Variants in DCP2 observed in about 807,000 individuals in gnomAD.
DCP2 encodes m7GpppN-mRNA hydrolase.
A neutral mutation model predicts 56.1 loss-of-function variants in DCP2; 30 were observed. The ratio of observed to expected loss-of-function variants is 0.53; its 90% CI spans 0.40 to 0.73. The LOEUF (loss-of-function observed/expected upper bound fraction) is 0.73. DCP2 is among the 30% of genes least tolerant of loss of function. DCP2 has a pLI of 0.00. For missense variants in DCP2, 533 were observed against 502.7 expected, an observed-to-expected ratio of 1.06 and a Z score of -0.58; for synonymous variants, 197 against 163.3, an observed-to-expected ratio of 1.21 and a Z score of -1.57.
intron 4 of DCP2, 26 bp from the exon 5 acceptor site, chr5:113,001,058 A>C: frequency 6.4e-7 from 1 of 1,565,030 alleles, no homozygotes; most frequent in South Asian, 1.2e-5. Context: ...TAAAATGAAA[A>C]TTTCATCCAA....
chr5:113,014,673 A>C lies in DCP2; in HGVS notation c.*1189A>C, dbSNP rs1749810860. ...ATTTCAGCTATAACTGAGGACAATCACCAGGGCGTTAAGGGGGCTTTAGTG... is the reference window on the plus strand; with the variant it reads ...ATTTCAGCTATAACTGAGGACAATCCCCAGGGCGTTAAGGGGGCTTTAGTG... On this transcript the variant is annotated 3_prime_UTR_variant, in exon 11 of 11. Transcript: ENST00000389063. The C allele has an allele frequency of 6.6e-6, 1 of 152,660 alleles. No individual in the cohort carries two copies. The highest frequency in any genetic ancestry group is 1.5e-5 in the Non-Finnish European group (1 of 68,042). 9.5% of individuals were successfully genotyped at this position (152,660 alleles called of 1,614,324 possible).
rs1162389364 is a variant in DCP2, at chr5:113,001,362, T to A, written c.591T>A (p.Ile197=). 2.5e-6 allele frequency: 4 copies of A among 1,610,612 alleles called. No homozygotes were observed. Among genetic ancestry groups the A allele is most frequent in the Non-Finnish European group, 3.4e-6 (4 of 1,179,086 alleles). Residue 197 remains isoleucine (I), a synonymous_variant, in exon 6 of 11, where the codon ATT becomes ATA. Coordinates refer to ENST00000389063, the MANE Select transcript of DCP2 (RefSeq NM_152624.6). ...TATTTTCTTCTGTGTTTCAGAACATTGAGTGGTTCTCTATTGAGAAATTGC... is the reference window on the plus strand; with the variant it reads ...TATTTTCTTCTGTGTTTCAGAACATAGAGTGGTTCTCTATTGAGAAATTGC... ...NPKTRREIRN[I]EWFSIEKLPC... is the part of the protein sequence containing the mutation.
At chr5:113,005,151 GGTGTGTGTGT>G (rs56389236) in intron 8 of DCP2, among the ~76,000 whole-genome samples, 15 of 149,420 alleles carry the variant, frequency 1.0e-4, no homozygotes, top group Non-Finnish European at 1.9e-4. Context: ...TGTGCGTGTG[GGTGTGTGTGT>G]GTGTGTGTAA....
Position 113,013,625 on chromosome 5 carries a change from AG to A in DCP2, c.*142del. 1 of 1,008,000 alleles carries A rather than the reference AG, an allele frequency of 9.9e-7. No individual in the cohort carries two copies. Among genetic ancestry groups the A allele is most frequent in the Non-Finnish European group, 1.4e-6 (1 of 691,978 alleles). 62.4% of individuals were successfully genotyped at this position (1,008,000 alleles called of 1,614,324 possible). ...TCTGAAGACATTTTCTGTTTATAAG[AG>A]AGTAGAAAGAAACACGAGTTTGCAC... On this transcript the variant is annotated 3_prime_UTR_variant, in exon 11 of 11. Coordinates refer to ENST00000389063, the MANE Select transcript of DCP2 (RefSeq NM_152624.6).
At position 113,010,861 on chromosome 5, in the gene DCP2, T is replaced by TAG. The variant is rs1192265420; in HGVS notation, c.1099+54_1099+55insAG. On this transcript the variant is annotated intron_variant, in intron 10 of 10. Transcript: ENST00000389063. ...TCTGCCTTGTGGGATTTGGTTTGGT[T>TAG]TACCTAACTTTGATTTTAGTGGGAG... is the stretch of plus-strand genomic sequence containing the variant. 3.9e-6 allele frequency: 6 copies of TAG among 1,550,976 alleles called. No homozygotes were observed. In the East Asian group the frequency reaches 1.4e-4, roughly 35 times the overall value.
chr5:113,003,809 A>T lies in DCP2; in HGVS notation c.807-133A>T, dbSNP rs529565570. On this transcript the variant is annotated intron_variant, in intron 7 of 10. Transcript: ENST00000389063. Reference sequence around the variant, plus strand: ...TGCAGATTAAAATCTCTGCTCTCATAGAACTTACATTCCAGTGGGGAAGAT... The same window carrying T: ...TGCAGATTAAAATCTCTGCTCTCATTGAACTTACATTCCAGTGGGGAAGAT... The T allele has an allele frequency of 1.9e-3, 1,935 of 1,018,124 alleles. 3 individuals carry two copies. Among genetic ancestry groups the T allele is most frequent in the Non-Finnish European group, 2.4e-3 (1,618 of 684,042 alleles). 63.1% of individuals were successfully genotyped at this position (1,018,124 alleles called of 1,614,324 possible).
Position 113,001,634 on chromosome 5 carries a change from A to G in DCP2, c.766A>G (p.Thr256Ala), listed in dbSNP as rs1254434912. 4 of 1,614,192 alleles carry G rather than the reference A, an allele frequency of 2.5e-6. No homozygotes were observed. Among genetic ancestry groups the G allele is most frequent in the Non-Finnish European group, 3.4e-6 (4 of 1,180,022 alleles). ...AGACAGTGACAATGGATTTTCCTCAACTGGTAGCACGCCGGCTAAACCCAC... is the reference window on the plus strand; with the variant it reads ...AGACAGTGACAATGGATTTTCCTCAGCTGGTAGCACGCCGGCTAAACCCAC... Reference protein sequence around the residue: ...SSDSDNGFSSTGSTPAKPTVE... With the variant: ...SSDSDNGFSSAGSTPAKPTVE... The change falls in exon 7 of 11, where the codon ACT becomes GCT. Residue 256 changes from threonine (T) to alanine (A), a missense_variant. Thr to Ala is a moderately conservative substitution (Grantham distance 58). Around this residue, in one of 3 missense-constraint regions of DCP2, gnomAD observed 392 missense variants for 346.6 expected, o/e 1.13. Transcript: ENST00000389063.
At position 113,008,098 on chromosome 5, in the gene DCP2, A is replaced by G. The variant is rs113372085; in HGVS notation, c.1047+56A>G. On this transcript the variant is annotated intron_variant, in intron 9 of 10. Coordinates refer to ENST00000389063, the MANE Select transcript of DCP2 (RefSeq NM_152624.6). Reference sequence around the variant, plus strand: ...CAGTTCATCCTCTGAAGAGTGAAACAAGGGCATTGCCAAAGCACAGGAATG... The same window carrying G: ...CAGTTCATCCTCTGAAGAGTGAAACGAGGGCATTGCCAAAGCACAGGAATG... 4.1e-3 allele frequency: 5,685 copies of G among 1,400,124 alleles called. 42 individuals are homozygous for G. Among genetic ancestry groups the G allele is most frequent in the Middle Eastern group, 0.034 (188 of 5,494 alleles). The allele number at this position is 1,400,124 out of a possible 1,614,324, so 86.7% of individuals were successfully genotyped here.
intron 1 of DCP2, among the ~76,000 whole-genome samples, chr5:112,982,080 T>A (rs1414215011): frequency 1.3e-5 from 2 of 152,220 alleles, no homozygotes; most frequent in African/African-American, 4.8e-5. Flanking sequence ...TTCTGGCTAT[T>A]CTTGAAATCC....
chr5:112,993,233 C>T (rs946956388), intron 4 of DCP2, among the ~76,000 whole-genome samples: 1 of 152,072 alleles, frequency 6.6e-6, no homozygotes, highest in Admixed American at 6.6e-5. Flanking sequence ...AAACTCTGTC[C>T]CCTCTCCCCC....
chr5:112,988,253 G>A (rs1035619582), intron 2 of DCP2, among the ~76,000 whole-genome samples: 4 of 151,584 alleles, frequency 2.6e-5, no homozygotes, highest in African/African-American at 7.3e-5. Context: ...GAGGCCAAGG[G>A]GGGCGGATCA....
intron 4 of DCP2, 23 bp from the exon 5 acceptor site, chr5:113,001,061 T>C: frequency 6.4e-7 from 1 of 1,565,670 alleles, no homozygotes; most frequent in Non-Finnish European, 8.6e-7. Flanking sequence ...AATGAAAATT[T>C]CATCCAAATT....
rs976465821 is a variant in DCP2 at position 113,016,922 on chromosome 5, A to G, written c.*3438A>G. 23 of 149,948 alleles carry G rather than the reference A, an allele frequency of 1.5e-4. No individual in the cohort carries two copies. The highest frequency in any genetic ancestry group is 5.4e-4 in the African/African-American group (22 of 40,574). 9.3% of individuals were successfully genotyped at this position (149,948 alleles called of 1,614,324 possible). A position where few individuals can be genotyped will look rare whatever the true frequency, so the allele number is the denominator to read the frequency against. On this transcript the variant is annotated 3_prime_UTR_variant, in exon 11 of 11. Transcript: ENST00000389063. Reference sequence around the variant, plus strand: ...AATGGTGCAATTTCGGCTCACCGCAACCTACGCCTCCCGGGTTCAAGTGAT... The same window carrying G: ...AATGGTGCAATTTCGGCTCACCGCAGCCTACGCCTCCCGGGTTCAAGTGAT...
intron 2 of DCP2, among the ~76,000 whole-genome samples, chr5:112,990,935 G>A (rs539678004): frequency 2.6e-5 from 4 of 151,790 alleles, no homozygotes; most frequent in South Asian, 4.1e-4. Context: ...ATATAATGCC[G>A]ACTTCTTTGA....
At chr5:112,981,255 C>T (rs1747991373) in intron 1 of DCP2, among the ~76,000 whole-genome samples, 1 of 152,100 alleles carries the variant, frequency 6.6e-6, no homozygotes, top group Non-Finnish European at 1.5e-5. Context: ...AGCAATCCTC[C>T]TGCCTCAACC....
chr5:112,985,312 T>A (rs1053194038), intron 1 of DCP2, among the ~76,000 whole-genome samples: 1 of 152,136 alleles, frequency 6.6e-6, no homozygotes, highest in African/African-American at 2.4e-5. Context: ...GAAAAGACAA[T>A]TTAGGGTTTT....
chr5:113,005,151 G>GGTGT lies in DCP2; in HGVS notation c.942+1089_942+1092dup, dbSNP rs56389236. Among the ~76,000 whole-genome samples the GGTGT allele has an allele frequency of 7.7e-3, 1,147 of 149,454 alleles. 7 individuals are homozygous for GGTGT. Among genetic ancestry groups the GGTGT allele is most frequent in the South Asian group, 8.0e-3 (38 of 4,740 alleles). ...TCTCAAAAAAAAAAGTGTGCGTGTG[G>GGTGT]GTGTGTGTGTGTGTGTGTAAACTGG... is the stretch of plus-strand genomic sequence containing the variant. On this transcript the variant is annotated intron_variant, in intron 8 of 10. Coordinates refer to ENST00000389063, the MANE Select transcript of DCP2 (RefSeq NM_152624.6).
At chr5:112,996,720 T>TG (rs1270804963) in intron 4 of DCP2, among the ~76,000 whole-genome samples, 1 of 152,176 alleles carries the variant, frequency 6.6e-6, no homozygotes, top group Non-Finnish European at 1.5e-5. Flanking sequence ...ACCTTTTTTT[T>TG]GGGGGCAATC....
In DCP2 at chr5:112,976,827, G is replaced by T; in HGVS notation, c.-107G>T. Reference sequence around the variant, plus strand: ...TCTCCGTTGGAGTCGTCTCTGCCGCGGCTTCCTCGGCTGCCAGCTCTCCGG... The same window carrying T: ...TCTCCGTTGGAGTCGTCTCTGCCGCTGCTTCCTCGGCTGCCAGCTCTCCGG... On this transcript the variant is annotated 5_prime_UTR_variant, in exon 1 of 11. Coordinates refer to ENST00000389063, the MANE Select transcript of DCP2 (RefSeq NM_152624.6). The T allele has an allele frequency of 1.7e-6, 2 of 1,145,382 alleles. No individual in the cohort carries two copies. Among genetic ancestry groups the T allele is most frequent in the Admixed American group, 1.7e-5 (1 of 59,386 alleles). 71.0% of individuals were successfully genotyped at this position (1,145,382 alleles called of 1,614,324 possible).
Sources: allele counts gnomAD v4.1 joint callset (sites outside exome capture counted in the v4.1 genomes callset), GRCh38; gene constraint gnomAD v4.1.1; regional missense constraint gnomAD v4.1.1; transcripts MANE v1.5; gene names NCBI Gene and HGNC (gene_info 2026-07-23, HGNC 2026-07-21).